The following SYT1 variants were observed in gnomAD, a reference collection of about 807,000 sequenced individuals.
SYT1 encodes synaptotagmin 1, also known as synaptotagmin-1.
A neutral mutation model predicts 44.8 loss-of-function variants in SYT1; 8 were observed. The ratio of observed to expected loss-of-function variants is 0.18; its 90% CI spans 0.10 to 0.32. The LOEUF is 0.32. Ranked by LOEUF, SYT1 falls within the 10% of genes least tolerant of loss-of-function variation. The pLI is 1.00. For synonymous variants in SYT1, 154 were observed against 188.8 expected (o/e 0.82, Z 1.51); for missense variants, 286 against 509.3 (o/e 0.56, Z 4.22).
chr12:78,990,539 C>A (rs1869948422), intron 2 of SYT1, among the ~76,000 whole-genome samples: 12 of 152,182 alleles, frequency 7.9e-5, no homozygotes. Context: ...TTTTTAAGTA[C>A]AAATTCTTAT....
At chr12:79,417,795 C>T (rs1292924520) in intron 9 of SYT1, among the ~76,000 whole-genome samples, 1 of 151,126 alleles carries the variant, frequency 6.6e-6, no homozygotes, top group Non-Finnish European at 1.5e-5. Context: ...TCCCCCCACT[C>T]CCACCCCCCA....
At chr12:79,263,742 G>C (rs1877965774) in intron 4 of SYT1, among the ~76,000 whole-genome samples, 1 of 151,882 alleles carries the variant, frequency 6.6e-6, no homozygotes, top group African/African-American at 2.4e-5. Context: ...AATCCCCTAA[G>C]GAAATCCTTT....
intron 1 of SYT1, among the ~76,000 whole-genome samples, chr12:78,945,626 T>C (rs1360729675): frequency 6.6e-6 from 1 of 152,150 alleles, no homozygotes; most frequent in Non-Finnish European, 1.5e-5. Context: ...GACACACTCC[T>C]TGAATCATCA....
intron 4 of SYT1, among the ~76,000 whole-genome samples, chr12:79,257,714 CTT>C (rs1009469290): frequency 1.3e-5 from 2 of 152,184 alleles, no homozygotes; most frequent in African/African-American, 4.8e-5. Context: ...ATCTCGATCT[CTT>C]GACCTGGTGA....
At chr12:79,045,121 G>A (rs1243525792) in intron 2 of SYT1, among the ~76,000 whole-genome samples, 1 of 152,124 alleles carries the variant, frequency 6.6e-6, no homozygotes, top group African/African-American at 2.4e-5. Flanking sequence ...GAGGCAGGCA[G>A]GCCTCCTTGA....
chr12:78,973,931 AAAAAAAAATATATATATATATATATATAT>A (rs1410292757), intron 1 of SYT1, among the ~76,000 whole-genome samples: 4 of 32,996 alleles, frequency 1.2e-4, no homozygotes, highest in African/African-American at 5.3e-4. Context: ...AAAAAAAAAA[AAAAAAAAATATATATATATATATATATAT>A]ATATATATAT....
intron 4 of SYT1, among the ~76,000 whole-genome samples, chr12:79,251,446 A>C (rs1038369772): frequency 6.6e-6 from 1 of 152,214 alleles, no homozygotes; most frequent in African/African-American, 2.4e-5. Context: ...TGGAAATTTG[A>C]GTCAAAATAA....
At chr12:79,395,660 TA>T (rs1351630246) in intron 9 of SYT1, among the ~76,000 whole-genome samples, 1 of 151,626 alleles carries the variant, frequency 6.6e-6, no homozygotes, top group Non-Finnish European at 1.5e-5. Flanking sequence ...GTGCTGGGAT[TA>T]CAGGCATGAG....
At chr12:79,270,346 T>G (rs538812902) in intron 4 of SYT1, among the ~76,000 whole-genome samples, 1 of 152,320 alleles carries the variant, frequency 6.6e-6, no homozygotes, top group South Asian at 2.1e-4. Context: ...CACACATTAG[T>G]GCAGTGGTGA....
At chr12:79,289,853 G>T (rs1214140533) in intron 5 of SYT1, among the ~76,000 whole-genome samples, 1 of 150,726 alleles carries the variant, frequency 6.6e-6, no homozygotes, top group Non-Finnish European at 1.5e-5. Context: ...AGGGCAAAGG[G>T]ATTCCACTGC....
At position 79,349,840 on chromosome 12, in the gene SYT1, C is replaced by T. The variant is rs936469259; in HGVS notation, c.811-3662C>T. Among the ~76,000 whole-genome samples, 6 of 152,146 alleles carry T rather than the reference C, an allele frequency of 3.9e-5. No individual in the cohort carries two copies. The East Asian group carries it at 1.2e-3, about 29-fold the overall frequency. On this transcript the variant is annotated intron_variant, in intron 8 of 10. Transcript: ENST00000261205. Reference sequence around the variant, plus strand: ...ACTATGCAGCCATCTTTCTTCCAAACTGGCATGCCAAAACTATGAAATTAG... The same window carrying T: ...ACTATGCAGCCATCTTTCTTCCAAATTGGCATGCCAAAACTATGAAATTAG...
At chr12:79,018,092 C>T (rs1871927022) in intron 2 of SYT1, among the ~76,000 whole-genome samples, 1 of 151,742 alleles carries the variant, frequency 6.6e-6, no homozygotes, top group African/African-American at 2.4e-5. Context: ...TTGGAACCAA[C>T]CCAAATGTCC....
intron 1 of SYT1, among the ~76,000 whole-genome samples, chr12:78,941,230 G>A (rs1052223652): frequency 1.7e-4 from 26 of 150,926 alleles, no homozygotes; most frequent in African/African-American, 5.1e-4. Flanking sequence ...CTGCCACCAC[G>A]CCTGGCTAAG....
At chr12:79,385,726 ATTGTTG>A (rs10632647) in intron 9 of SYT1, among the ~76,000 whole-genome samples, 2 of 151,080 alleles carry the variant, frequency 1.3e-5, no homozygotes, top group Non-Finnish European at 3.0e-5. Context: ...ACAATTACCC[ATTGTTG>A]TTGTTGTTGT....
intron 3 of SYT1, among the ~76,000 whole-genome samples, chr12:79,159,432 T>C (rs976620627): frequency 2.0e-5 from 3 of 152,202 alleles, no homozygotes; most frequent in African/African-American, 7.2e-5. Context: ...CAGTTACCTG[T>C]GGTCAACCAC....
chr12:79,140,102 G>A (rs975771830), intron 3 of SYT1, among the ~76,000 whole-genome samples: 4 of 152,166 alleles, frequency 2.6e-5, no homozygotes, highest in Non-Finnish European at 5.9e-5. Context: ...CCAGAAACTC[G>A]CTTCATCTGA....
At chr12:79,398,141 A>C (rs1472219703) in intron 9 of SYT1, among the ~76,000 whole-genome samples, 1 of 152,212 alleles carries the variant, frequency 6.6e-6, no homozygotes, top group Non-Finnish European at 1.5e-5. Context: ...GTTCAGTATG[A>C]AAGGCCAGTC....
chr12:79,395,669 G>A (rs1050605180), intron 9 of SYT1, among the ~76,000 whole-genome samples: 1 of 151,172 alleles, frequency 6.6e-6, no homozygotes, highest in Non-Finnish European at 1.5e-5. Context: ...TTACAGGCAT[G>A]AGCCAACATG....
At chr12:79,010,784 C>A (rs1007830600) in intron 2 of SYT1, among the ~76,000 whole-genome samples, 7 of 152,100 alleles carry the variant, frequency 4.6e-5, no homozygotes, top group African/African-American at 1.4e-4. Context: ...AATCATTTCA[C>A]CTTTCTATCT....
Sources: allele counts gnomAD v4.1 joint callset (sites outside exome capture counted in the v4.1 genomes callset), GRCh38; gene constraint gnomAD v4.1.1; transcripts MANE v1.5; gene names NCBI Gene and HGNC (gene_info 2026-07-23, HGNC 2026-07-21).